The following SORL1 variants were observed in gnomAD, a reference collection of about 807,000 sequenced individuals.
SORL1 encodes sortilin related receptor 1.
A neutral mutation model predicts 273.7 loss-of-function variants in SORL1; 127 were observed. The ratio of observed to expected loss-of-function variants is 0.46; its 90% confidence interval spans 0.40 to 0.54. The LOEUF (loss-of-function observed/expected upper bound fraction) is 0.54, where lower values mean the gene tolerates loss of function less well. SORL1 is among the 20% of genes least tolerant of loss of function. The probability of loss-of-function intolerance (pLI) is 0.00; values close to 1 mark genes in which losing one functional copy is unlikely to be tolerated. For synonymous variants in SORL1, 1,031 were observed against 1,067.4 expected (o/e 0.97, Z 0.66); for missense variants, 2,494 against 2,846.1 (o/e 0.88, Z 2.81).
chr11:121,604,973 A>G (rs941263215), intron 33 of SORL1, 140 bp from the exon 34 acceptor site: 2 of 544,036 alleles, frequency 3.7e-6, no homozygotes, highest in Admixed American at 3.2e-5. Flanking sequence ...GTTTAGCCAC[A>G]TTGCCCAGGC....
At chr11:121,576,513 T>G (rs1205022035) in intron 24 of SORL1, among the ~76,000 whole-genome samples, 3 of 152,210 alleles carry the variant, frequency 2.0e-5, no homozygotes, top group Non-Finnish European at 4.4e-5. Flanking sequence ...ACATACAAAT[T>G]TGAAGTTTCA....
At chr11:121,603,203 G>C (rs1863420550) in intron 32 of SORL1, among the ~76,000 whole-genome samples, 1 of 152,228 alleles carries the variant, frequency 6.6e-6, no homozygotes, top group African/African-American at 2.4e-5. Context: ...ATTAGGATGT[G>C]GACGTCTTTG....
chr11:121,542,627 T>A (rs1862363940), intron 12 of SORL1, among the ~76,000 whole-genome samples: 1 of 152,108 alleles, frequency 6.6e-6, no homozygotes, highest in African/African-American at 2.4e-5. Flanking sequence ...TAGTTAAGAT[T>A]GTGACTCTCT....
At chr11:121,606,287 C>T (rs1863471780) in intron 35 of SORL1, among the ~76,000 whole-genome samples, 1 of 152,174 alleles carries the variant, frequency 6.6e-6, no homozygotes, top group African/African-American at 2.4e-5. Context: ...CGCCTCCTCC[C>T]TACTTCAAAG....
intron 12 of SORL1, among the ~76,000 whole-genome samples, chr11:121,538,737 G>A (rs890364206): frequency 2.0e-5 from 3 of 151,938 alleles, no homozygotes; most frequent in Non-Finnish European, 4.4e-5. Flanking sequence ...GGAGCACAGT[G>A]GTGCCATCTT....
At chr11:121,519,855 C>G (rs547744942) in intron 8 of SORL1, among the ~76,000 whole-genome samples, 17 of 152,272 alleles carry the variant, frequency 1.1e-4, no homozygotes, top group Admixed American at 1.1e-3. Context: ...CTTTCGTCAA[C>G]TTTTGTATGT....
intron 37 of SORL1, 109 bp downstream of exon 37, chr11:121,607,399 T>C (rs1863495234): frequency 3.4e-6 from 2 of 581,706 alleles, no homozygotes; most frequent in Admixed American, 5.0e-5. Flanking sequence ...ATATTAGTAA[T>C]CTGCAAAATA....
At chr11:121,475,508 A>G (rs1019167479) in intron 2 of SORL1, among the ~76,000 whole-genome samples, 10 of 152,206 alleles carry the variant, frequency 6.6e-5, no homozygotes, top group Non-Finnish European at 1.5e-4. Context: ...TTTTACCTCC[A>G]TGTGCACGAT....
chr11:121,605,326 G>A, intron 34 of SORL1, 76 bp from the exon 35 acceptor site: 1 of 1,574,424 alleles, frequency 6.4e-7, no homozygotes, highest in Non-Finnish European at 8.7e-7. Flanking sequence ...CATGCACCAT[G>A]CTATTAACGG....
intron 43 of SORL1, 121 bp downstream of exon 43, chr11:121,620,038 G>A (rs1308606931): frequency 1.2e-5 from 9 of 771,290 alleles, no homozygotes; most frequent in Middle Eastern, 3.9e-4. Flanking sequence ...CGCTCAGCAG[G>A]AGGTCTCTCT....
At chr11:121,538,882 T>C (rs918214981) in intron 12 of SORL1, among the ~76,000 whole-genome samples, 3 of 152,134 alleles carry the variant, frequency 2.0e-5, no homozygotes, top group Admixed American at 2.0e-4. Flanking sequence ...TTTCACCTTG[T>C]TGGTCAGGCT....
chr11:121,532,016 A>G (rs1458799718), intron 11 of SORL1, among the ~76,000 whole-genome samples: 3 of 152,130 alleles, frequency 2.0e-5, no homozygotes, highest in Non-Finnish European at 2.9e-5. Context: ...GCTTTCGTTT[A>G]CTTTTCAGCA....
chr11:121,559,555 A>C lies in SORL1; in HGVS notation c.2947A>C (p.Ile983Leu). 1 of 1,614,230 alleles carries C rather than the reference A, an allele frequency of 6.2e-7. No homozygotes were observed. Among genetic ancestry groups the C allele is most frequent in the Non-Finnish European group, 8.5e-7 (1 of 1,180,016 alleles). Residue 983 changes from isoleucine (I) to leucine (L), a missense_variant, in exon 21 of 48, where the codon ATA (isoleucine) becomes CTA (leucine). By Grantham distance (5) the Ile-to-Leu change is conservative (BLOSUM62 2). Coordinates refer to ENST00000260197, the MANE Select transcript of SORL1 (RefSeq NM_003105.6). Reference protein sequence around the residue: ...IYWDDWSQLSIFRASKYSGSQ... With the variant: ...IYWDDWSQLSLFRASKYSGSQ... ...CTGGGATGACTGGTCACAGCTCAGC[A>C]TATTCCGAGCTTCCAAATACAGTGG... is the stretch of plus-strand genomic sequence containing the variant.
chr11:121,554,133 G>C lies in SORL1; in HGVS notation c.2439+24G>C. On this transcript the variant is annotated intron_variant, in intron 17 of 47. Coordinates refer to ENST00000260197, the MANE Select transcript of SORL1 (RefSeq NM_003105.6). This position sits in a 1 kb window ranked among gnomAD's most constrained non-coding sequence, Gnocchi z 4.6. ...AGGTGAGTCAGCGCTTGGTCTGACT[G>C]TGGGAGCTGTGCATCGTGACTGCCC... 1 of 1,606,374 alleles carries C rather than the reference G, an allele frequency of 6.2e-7. No individual in the cohort carries two copies. The highest frequency in any genetic ancestry group is 1.3e-5 in the African/African-American group (1 of 74,934).
intron 12 of SORL1, among the ~76,000 whole-genome samples, chr11:121,533,883 G>A (rs1452793016): frequency 6.6e-6 from 1 of 152,186 alleles, no homozygotes; most frequent in African/African-American, 2.4e-5. Context: ...GTGATACTCC[G>A]AAGAGGTCCT....
Position 121,596,940 on chromosome 11 carries a change from G to A in SORL1, c.4519+1168G>A, listed in dbSNP as rs1054206025. On this transcript the variant is annotated intron_variant, in intron 32 of 47. Coordinates refer to ENST00000260197, the MANE Select transcript of SORL1 (RefSeq NM_003105.6). This position sits in a 1 kb window ranked among gnomAD's most constrained non-coding sequence, Gnocchi z 4.3. ...AGATGGAATAGAATCTGAGGTGGAG[G>A]TTAGTCATCTCTTAATTCCTCTAAT... Among the ~76,000 whole-genome samples the A allele has an allele frequency of 1.8e-4, 28 of 152,184 alleles. No homozygotes were observed. The highest frequency in any genetic ancestry group is 6.8e-4 in the African/African-American group (28 of 41,434).
chr11:121,490,011 G>A, intron 4 of SORL1, 32 bp from the exon 5 acceptor site: 1 of 1,548,766 alleles, frequency 6.5e-7, no homozygotes, highest in Non-Finnish European at 8.9e-7. Flanking sequence ...TATTATACAT[G>A]CCTCTTGCAT....
chr11:121,619,604 G>T (rs1472445139), intron 42 of SORL1, 149 bp from the exon 43 acceptor site: 5 of 676,716 alleles, frequency 7.4e-6, no homozygotes, highest in Non-Finnish European at 2.5e-6. Flanking sequence ...AAAATGATTT[G>T]GGGTAGGTGG....
intron 44 of SORL1, 128 bp downstream of exon 44, chr11:121,621,366 T>C: frequency 1.2e-6 from 1 of 805,568 alleles, no homozygotes; most frequent in South Asian, 1.8e-5. Context: ...CCCTTCAATA[T>C]TCCTACAGGG....
Sources: allele counts gnomAD v4.1 joint callset (sites outside exome capture counted in the v4.1 genomes callset), GRCh38; gene constraint gnomAD v4.1.1; non-coding constraint Gnocchi (gnomAD v3.1); transcripts MANE v1.5; gene names NCBI Gene and HGNC (gene_info 2026-07-23, HGNC 2026-07-21).